The following KCNB2 variants were observed in gnomAD, a reference collection of about 807,000 sequenced individuals.
KCNB2 encodes the protein delayed rectifier potassium channel protein.
KCNB2 carries 15 observed loss-of-function variants against 61.5 expected under a neutral mutation model. The observed-to-expected ratio is 0.24, with a 90% CI of 0.16 to 0.38. KCNB2 has a LOEUF of 0.38. Ranked by LOEUF, KCNB2 falls within the 10% of genes least tolerant of loss-of-function variation. The pLI is 1.00. For missense variants in KCNB2, 828 were observed against 1,125.2 expected (o/e 0.74, Z 3.78); for synonymous variants, 457 against 446.0 (o/e 1.02, Z -0.31).
intron 2 of KCNB2, among the ~76,000 whole-genome samples, chr8:72,795,069 A>G (rs1018974916): frequency 6.6e-6 from 1 of 152,238 alleles, no homozygotes; most frequent in South Asian, 2.1e-4. Context: ...CTGAAAATAT[A>G]TAGGTAAAAA....
intron 2 of KCNB2, among the ~76,000 whole-genome samples, chr8:72,727,918 G>C (rs1161764654): frequency 6.6e-6 from 1 of 152,040 alleles, no homozygotes; most frequent in Non-Finnish European, 1.5e-5. Flanking sequence ...TTAGCAATAC[G>C]GCACATTTTT....
At chr8:72,924,195 G>C (rs745441072) in intron 2 of KCNB2, among the ~76,000 whole-genome samples, 6 of 152,270 alleles carry the variant, frequency 3.9e-5, no homozygotes, top group Non-Finnish European at 5.9e-5. Context: ...GGTGGAATTA[G>C]AGACCACGTC....
rs527617325 is a variant in KCNB2 at position 72,692,373 on chromosome 8, T to C, written c.579+124060T>C. ...GGAGGTAGGATGGGGAATTATATTC[T>C]TCAGCATAGATAGTTTAAGAAACAC... On this transcript the variant is annotated intron_variant, in intron 2 of 2. Transcript: ENST00000523207. Among the ~76,000 whole-genome samples, 11 of 152,336 alleles carry C rather than the reference T, an allele frequency of 7.2e-5. No individual in the cohort carries two copies. In the East Asian group the frequency reaches 2.1e-3, roughly 29 times the overall value.
chr8:72,623,325 A>G (rs1020935013), intron 2 of KCNB2, among the ~76,000 whole-genome samples: 1 of 152,190 alleles, frequency 6.6e-6, no homozygotes, highest in Non-Finnish European at 1.5e-5. Flanking sequence ...TTTTGATTCC[A>G]GGAGTACAGA....
At chr8:72,711,727 C>T (rs543042206) in intron 2 of KCNB2, among the ~76,000 whole-genome samples, 133 of 145,904 alleles carry the variant, frequency 9.1e-4, no homozygotes, top group African/African-American at 3.2e-3. Context: ...CGGTGGCTTA[C>T]GCCTGTAATC....
At chr8:72,720,856 T>C (rs1446217968) in intron 2 of KCNB2, among the ~76,000 whole-genome samples, 1 of 152,232 alleles carries the variant, frequency 6.6e-6, no homozygotes, top group African/African-American at 2.4e-5. Flanking sequence ...TGAATCTAAA[T>C]ACTTTTCGTT....
chr8:72,849,723 A>G (rs973891887), intron 2 of KCNB2, among the ~76,000 whole-genome samples: 1 of 152,238 alleles, frequency 6.6e-6, no homozygotes, highest in Non-Finnish European at 1.5e-5. Flanking sequence ...CTTTAAAAGC[A>G]GGAGCTCTCC....
rs573910041 is a variant in KCNB2, at chr8:72,854,425, A to G, written c.580-81510A>G. The stretch of plus-strand genomic sequence containing the variant: ...TTTCATAATGCTAACACTGGGCCAT[A>G]CTTTTTCAGATTTTTCAAAATGCCT... On this transcript the variant is annotated intron_variant, in intron 2 of 2. Coordinates refer to ENST00000523207, the MANE Select transcript of KCNB2 (RefSeq NM_004770.3). Among the ~76,000 whole-genome samples, 50 of 152,300 alleles carry G rather than the reference A, an allele frequency of 3.3e-4. No individual in the cohort carries two copies. The South Asian group carries it at 9.9e-3, about 30-fold the overall frequency.
At chr8:72,598,167 A>G (rs1421083603) in intron 2 of KCNB2, among the ~76,000 whole-genome samples, 1 of 151,972 alleles carries the variant, frequency 6.6e-6, no homozygotes, top group Non-Finnish European at 1.5e-5. Context: ...TTTTAGACCA[A>G]TATCCTTGAT....
chr8:72,889,694 A>G (rs1054261889), intron 2 of KCNB2, among the ~76,000 whole-genome samples: 3 of 152,174 alleles, frequency 2.0e-5, no homozygotes, highest in Non-Finnish European at 4.4e-5. Context: ...CAAAAGAAAA[A>G]AAGAACACAT....
chr8:72,691,674 A>G (rs747342826), intron 2 of KCNB2, among the ~76,000 whole-genome samples: 46 of 152,196 alleles, frequency 3.0e-4, no homozygotes, highest in Non-Finnish European at 5.7e-4. Flanking sequence ...TCCAAGGCTA[A>G]TCATCAGGGA....
intron 2 of KCNB2, among the ~76,000 whole-genome samples, chr8:72,719,343 C>T (rs1807506942): frequency 1.3e-5 from 2 of 152,164 alleles, no homozygotes; most frequent in Admixed American, 1.3e-4. Flanking sequence ...GCCCTGCTCT[C>T]TTAGTCTCTG....
intron 2 of KCNB2, among the ~76,000 whole-genome samples, chr8:72,653,999 T>C (rs1806251842): frequency 2.0e-5 from 3 of 152,190 alleles, no homozygotes; most frequent in African/African-American, 7.2e-5. Context: ...GAAATTCTGT[T>C]AAGACAAGAT....
At chr8:72,921,643 T>C (rs944907670) in intron 2 of KCNB2, among the ~76,000 whole-genome samples, 2 of 152,210 alleles carry the variant, frequency 1.3e-5, no homozygotes, top group African/African-American at 4.8e-5. Flanking sequence ...TTTAATATGT[T>C]ATTTTGTAGT....
intron 2 of KCNB2, among the ~76,000 whole-genome samples, chr8:72,842,744 C>T (rs201926533): frequency 1.3e-5 from 2 of 152,092 alleles, no homozygotes; most frequent in African/African-American, 4.8e-5. Flanking sequence ...AGTATTCTCT[C>T]ATGGTAGTTT....
At chr8:72,794,625 G>A (rs1808999482) in intron 2 of KCNB2, among the ~76,000 whole-genome samples, 2 of 151,258 alleles carry the variant, frequency 1.3e-5, no homozygotes, top group South Asian at 4.2e-4. Context: ...GATAGAGAAG[G>A]CTAGGAGAGG....
intron 2 of KCNB2, among the ~76,000 whole-genome samples, chr8:72,589,746 G>T (rs1487550418): frequency 2.0e-5 from 3 of 152,158 alleles, no homozygotes; most frequent in East Asian, 1.9e-4. Context: ...GAATTTTATA[G>T]GGATGTTCAG....
rs552100317 is a variant in KCNB2 at position 72,933,659 on chromosome 8, C to T, written c.580-2276C>T. Reference sequence around the variant, plus strand: ...ACCATTGATTTTTCAGGAATATTTTCCTGGCAGAATATTGTACATGTTACC... The same window carrying T: ...ACCATTGATTTTTCAGGAATATTTTTCTGGCAGAATATTGTACATGTTACC... On this transcript the variant is annotated intron_variant, in intron 2 of 2. Transcript: ENST00000523207. Among the ~76,000 whole-genome samples, 3 of 152,270 alleles carry T rather than the reference C, an allele frequency of 2.0e-5. No homozygotes were observed. In the East Asian group the frequency reaches 5.8e-4, roughly 29 times the overall value.
chr8:72,693,963 C>T (rs16938329), intron 2 of KCNB2, among the ~76,000 whole-genome samples: 4,143 of 152,048 alleles, frequency 0.027, 74 homozygotes, highest in South Asian at 0.074. Context: ...AAATCGAACA[C>T]GATTCCAAAT....
Sources: gnomAD v4.1 joint callset for allele counts (sites outside exome capture counted in the v4.1 genomes callset) on GRCh38, gnomAD v4.1.1 for gene constraint, MANE v1.5 for transcripts, NCBI Gene and HGNC (gene_info 2026-07-23, HGNC 2026-07-21) for gene names.